The following EVC2 variants were observed in gnomAD, a reference collection of about 807,000 sequenced individuals.
The protein encoded by EVC2 is limbin.
A neutral mutation model predicts 149.3 loss-of-function variants in EVC2; 148 were observed. The ratio of observed to expected loss-of-function variants is 0.99; its 90% confidence interval spans 0.87 to 1.14. The LOEUF (loss-of-function observed/expected upper bound fraction) is 1.14. Ranked by LOEUF, EVC2 falls within the 50% of genes most tolerant of loss-of-function variation. The pLI, the probability that EVC2 is intolerant of heterozygous loss-of-function variation, is 0.00. For synonymous variants in EVC2, 776 were observed against 649.9 expected, an observed-to-expected ratio of 1.19 and a Z score of -2.95; for missense variants, 1,854 against 1,627.3, an observed-to-expected ratio of 1.14 and a Z score of -2.40.
chr4:5,616,409 A>G (rs1318026039), intron 15 of EVC2, among the ~76,000 whole-genome samples: 4 of 145,662 alleles, frequency 2.7e-5, no homozygotes, highest in Non-Finnish European at 5.9e-5. Context: ...CCTGGGGGCC[A>G]CCAGCAGATG....
intron 16 of EVC2, among the ~76,000 whole-genome samples, chr4:5,606,208 C>T (rs1020199563): frequency 1.3e-5 from 2 of 152,190 alleles, no homozygotes; most frequent in African/African-American, 4.8e-5. Context: ...CCGGCTCCCA[C>T]CCACCTCTTA....
At chr4:5,591,987 CAT>C (rs1287847499) in intron 16 of EVC2, among the ~76,000 whole-genome samples, 2 of 152,150 alleles carry the variant, frequency 1.3e-5, no homozygotes, top group East Asian at 3.9e-4. Flanking sequence ...GTCCTTTAAA[CAT>C]ATAATAAAGT....
At chr4:5,542,844 G>A (rs1049264548) in exon 23 of EVC2, 5 of 292,738 alleles carry the variant, frequency 1.7e-5, no homozygotes, top group Middle Eastern at 1.2e-3. Context: ...AGCGCAGTGT[G>A]CCCACAGCTG....
chr4:5,550,934 G>C (rs559776129), intron 21 of EVC2, among the ~76,000 whole-genome samples: 1 of 152,254 alleles, frequency 6.6e-6, no homozygotes, highest in Non-Finnish European at 1.5e-5. Context: ...TGGCAGCCAC[G>C]TGGTGTTGAG....
chr4:5,559,935 C>A (rs1275952108), downstream of EVC2, among the ~76,000 whole-genome samples: 1 of 152,122 alleles, frequency 6.6e-6, no homozygotes, highest in Non-Finnish European at 1.5e-5. This position sits in a 1 kb window ranked among gnomAD's most constrained non-coding sequence, Gnocchi z 5.0. Flanking sequence ...ACAAAGACTG[C>A]AGTGTGGAAA....
At chr4:5,533,582 A>C in the EVC2 span, among the ~76,000 whole-genome samples, 1 of 152,218 alleles carries the variant, frequency 6.6e-6, no homozygotes, top group Non-Finnish European at 1.5e-5. Context: ...AGAGATTAAG[A>C]TGCTTGTCTC....
chr4:5,689,881 T>C (rs1307917060), intron 4 of EVC2, among the ~76,000 whole-genome samples: 1 of 152,194 alleles, frequency 6.6e-6, no homozygotes, highest in East Asian at 1.9e-4. Context: ...GCTCATCACC[T>C]GGGCTCTGCA....
chr4:5,545,269 G>C (rs16837420), intron 21 of EVC2, among the ~76,000 whole-genome samples: 11,579 of 152,150 alleles, frequency 0.076, 742 homozygotes, highest in African/African-American at 0.17. Flanking sequence ...ACACAGAAAT[G>C]GTTGAAAGAA....
chr4:5,635,053 T>TTC (rs1448897107), intron 10 of EVC2, among the ~76,000 whole-genome samples: 1 of 147,220 alleles, frequency 6.8e-6, no homozygotes, highest in African/African-American at 2.5e-5. Flanking sequence ...TTTTTTTTTT[T>TTC]TGAGACAGAG....
chr4:5,602,518 G>C (rs779982163), intron 16 of EVC2, among the ~76,000 whole-genome samples: 2 of 151,904 alleles, frequency 1.3e-5, no homozygotes, highest in Non-Finnish European at 2.9e-5. Context: ...TATGGTGGGG[G>C]ATGAGGAAAG....
chr4:5,597,272 A>C (rs1382734002), intron 16 of EVC2, among the ~76,000 whole-genome samples: 1 of 152,184 alleles, frequency 6.6e-6, no homozygotes, highest in African/African-American at 2.4e-5. Flanking sequence ...CAAAAAAGAG[A>C]ATTTTAGACC....
intron 9 of EVC2, among the ~76,000 whole-genome samples, chr4:5,641,168 G>A (rs1189886567): frequency 6.6e-6 from 1 of 152,106 alleles, no homozygotes; most frequent in Non-Finnish European, 1.5e-5. Flanking sequence ...TAAAAATAAA[G>A]TTTATTTTAC....
At chr4:5,705,670 C>G (rs1722086311) in intron 1 of EVC2, among the ~76,000 whole-genome samples, 1 of 152,122 alleles carries the variant, frequency 6.6e-6, no homozygotes, top group African/African-American at 2.4e-5. Context: ...GCTGGATTCT[C>G]AAATCTGCTT....
At chr4:5,626,794 T>G (rs1286168704) in intron 12 of EVC2, among the ~76,000 whole-genome samples, 1 of 152,134 alleles carries the variant, frequency 6.6e-6, no homozygotes, top group African/African-American at 2.4e-5. Context: ...AAGAGGAATT[T>G]GTCCCTTTTT....
chr4:5,607,895 G>A (rs750041109), intron 16 of EVC2, among the ~76,000 whole-genome samples: 1 of 151,902 alleles, frequency 6.6e-6, no homozygotes, highest in Non-Finnish European at 1.5e-5. Context: ...CAGGGATGGG[G>A]GAGAACAGAG....
intron 16 of EVC2, among the ~76,000 whole-genome samples, chr4:5,605,874 C>T (rs1018694467): frequency 6.6e-6 from 1 of 152,204 alleles, no homozygotes; most frequent in African/African-American, 2.4e-5. Flanking sequence ...ACATCTCCCC[C>T]TCAGGTCAAC....
chr4:5,625,630 C>G lies in EVC2; in HGVS notation c.2046+119G>C. 2.2e-6 allele frequency: 3 copies of G among 1,341,216 alleles called. No homozygotes were observed. Among genetic ancestry groups the G allele is most frequent in the South Asian group, 1.2e-5 (1 of 80,270 alleles). The allele number at this position is 1,341,216 out of a possible 1,614,324, so 83.1% of individuals were successfully genotyped here. A position where few individuals can be genotyped will look rare whatever the true frequency, so the allele number is the denominator to read the frequency against. ...AACAGTAGATGGCACATCATGGTGC[C>G]TGCCCAGCTGCCCTTCTGATCCTAG... On this transcript the variant is annotated intron_variant, in intron 13 of 21. Transcript: ENST00000344408. This position sits in a 1 kb window ranked among gnomAD's most constrained non-coding sequence, Gnocchi z 4.0.
At chr4:5,550,939 G>A (rs1190158154) in intron 21 of EVC2, among the ~76,000 whole-genome samples, 5 of 152,268 alleles carry the variant, frequency 3.3e-5, no homozygotes, top group Non-Finnish European at 7.3e-5. Context: ...GCCACGTGGT[G>A]TTGAGCCTGT....
intron 16 of EVC2, among the ~76,000 whole-genome samples, chr4:5,588,987 C>G (rs754187569): frequency 6.6e-6 from 1 of 152,210 alleles, no homozygotes; most frequent in Non-Finnish European, 1.5e-5. Flanking sequence ...TGTGTCAGTT[C>G]TGGATTGGTT....
Sources: allele counts gnomAD v4.1 joint callset (sites outside exome capture counted in the v4.1 genomes callset), GRCh38; gene constraint gnomAD v4.1.1; non-coding constraint Gnocchi (gnomAD v3.1); transcripts MANE v1.5; gene names NCBI Gene and HGNC (gene_info 2026-07-23, HGNC 2026-07-21).